Variants in SLC4A8 observed in about 807,000 individuals in gnomAD.
SLC4A8 encodes the protein electroneutral sodium bicarbonate exchanger 1.
Under a neutral mutation model 125.0 loss-of-function variants are expected in SLC4A8, and 40 were observed. That is an observed-to-expected ratio of 0.32 (90% CI 0.25 to 0.42). The LOEUF (loss-of-function observed/expected upper bound fraction) is 0.42. Among genes scored for constraint, SLC4A8 ranks in the 10% least tolerant of loss-of-function variants. The pLI, the probability that SLC4A8 is intolerant of heterozygous loss-of-function variation, is 1.00. For missense variants in SLC4A8, 863 were observed against 1,355.1 expected (o/e 0.64, Z 5.70); for synonymous variants, 456 against 476.0 (o/e 0.96, Z 0.55).
At chr12:51,459,660 A>G (rs1347363320) in intron 7 of SLC4A8, among the ~76,000 whole-genome samples, 2 of 152,194 alleles carry the variant, frequency 1.3e-5, no homozygotes, top group African/African-American at 4.8e-5. Context: ...ACATGAGGCC[A>G]GGAGTTTGAG....
chr12:51,453,996 G>A (rs553836013), intron 5 of SLC4A8, among the ~76,000 whole-genome samples: 5 of 152,130 alleles, frequency 3.3e-5, no homozygotes, highest in African/African-American at 7.2e-5. Flanking sequence ...TGCTAGGCAT[G>A]GGGTTATGAA....
intron 5 of SLC4A8, among the ~76,000 whole-genome samples, chr12:51,456,907 T>C (rs1276737685): frequency 6.6e-6 from 1 of 152,206 alleles, no homozygotes; most frequent in East Asian, 1.9e-4. Flanking sequence ...TAGTTCTTCT[T>C]GACAATTACA....
chr12:51,421,790 T>C (rs187738913), upstream of SLC4A8, among the ~76,000 whole-genome samples: 3 of 152,282 alleles, frequency 2.0e-5, no homozygotes, highest in Admixed American at 2.0e-4. Flanking sequence ...TATAGGCCAA[T>C]ACAACATAGT....
chr12:51,419,950 G>C (rs763124662), upstream of SLC4A8: 1 of 152,264 alleles, frequency 6.6e-6, no homozygotes, highest in Non-Finnish European at 1.5e-5. Flanking sequence ...GATGTGTAGT[G>C]TTCCATGCTG....
chr12:51,419,551 C>T (rs1948744977), intron 1 of SLC4A8, among the ~76,000 whole-genome samples: 1 of 152,174 alleles, frequency 6.6e-6, no homozygotes, highest in Non-Finnish European at 1.5e-5. Context: ...TGGTTAACAC[C>T]TGCTGCTTTC....
chr12:51,500,208 G>A (rs1373129352), intron 22 of SLC4A8, among the ~76,000 whole-genome samples: 2 of 152,160 alleles, frequency 1.3e-5, no homozygotes, highest in Non-Finnish European at 1.5e-5. Flanking sequence ...TGTTAAGTTC[G>A]AGGTGGCTGG....
chr12:51,442,937 G>T (rs1304635069), intron 2 of SLC4A8, among the ~76,000 whole-genome samples: 1 of 152,140 alleles, frequency 6.6e-6, no homozygotes, highest in East Asian at 1.9e-4. Context: ...GAAGCAAATT[G>T]TGTTCAGATT....
At chr12:51,413,794 T>G (rs1948635815) in intron 1 of SLC4A8, among the ~76,000 whole-genome samples, 1 of 152,152 alleles carries the variant, frequency 6.6e-6, no homozygotes, top group South Asian at 2.1e-4. Context: ...TGTTTTTATA[T>G]CGATACCATG....
intron 19 of SLC4A8, among the ~76,000 whole-genome samples, chr12:51,491,795 T>A (rs934269132): frequency 6.9e-6 from 1 of 145,300 alleles, no homozygotes; most frequent in Admixed American, 6.8e-5. Flanking sequence ...TTAACAGAAA[T>A]GATGCCTTTT....
At chr12:51,458,193 G>A (rs1205894848) in intron 6 of SLC4A8, among the ~76,000 whole-genome samples, 1 of 152,106 alleles carries the variant, frequency 6.6e-6, no homozygotes, top group Non-Finnish European at 1.5e-5. Flanking sequence ...TTATTTCCTG[G>A]TCTCTACTCA....
At chr12:51,432,898 A>G (rs865959121) in intron 1 of SLC4A8, among the ~76,000 whole-genome samples, 5 of 152,182 alleles carry the variant, frequency 3.3e-5, no homozygotes, top group African/African-American at 1.2e-4. Context: ...ACACTGAAAA[A>G]GATGAAAGGG....
At chr12:51,425,475 A>G (rs1203972407) in intron 1 of SLC4A8, 4 of 978,282 alleles carry the variant, frequency 4.1e-6, no homozygotes, top group Non-Finnish European at 4.9e-6. Context: ...TCAGTGGTTC[A>G]GAGGAAAAGC....
intron 2 of SLC4A8, among the ~76,000 whole-genome samples, chr12:51,449,220 T>C (rs1384364284): frequency 1.3e-5 from 2 of 152,084 alleles, no homozygotes; most frequent in Non-Finnish European, 2.9e-5. Context: ...GGAGAATCGC[T>C]TGAGCTCAGG....
chr12:51,470,295 C>A (rs533899503), intron 12 of SLC4A8, 97 bp from the exon 13 acceptor site: 2 of 1,124,530 alleles, frequency 1.8e-6, no homozygotes, highest in South Asian at 1.5e-5. Context: ...AAATGGCCAT[C>A]AAGGCACACA....
chr12:51,433,308 AAGTCAATTCACATTTACGT>A (rs1315807947), intron 1 of SLC4A8, among the ~76,000 whole-genome samples: 5 of 152,348 alleles, frequency 3.3e-5, no homozygotes, highest in Admixed American at 3.3e-4. Flanking sequence ...GTAGGCACTC[AAGTCAATTCACATTTACGT>A]AGTGGGTCAT....
chr12:51,395,682 G>A (rs1257836522), intron 1 of SLC4A8, among the ~76,000 whole-genome samples: 1 of 152,158 alleles, frequency 6.6e-6, no homozygotes, highest in Non-Finnish European at 1.5e-5. Flanking sequence ...TTGCCAAGGA[G>A]GTTAGTAGGG....
intron 1 of SLC4A8, among the ~76,000 whole-genome samples, chr12:51,433,871 T>G (rs1332940405): frequency 2.3e-4 from 30 of 132,700 alleles, no homozygotes; most frequent in East Asian, 4.7e-4. Flanking sequence ...TTTTTTTTTT[T>G]TTTTTTTGGT....
chr12:51,490,013 C>T, intron 19 of SLC4A8, 62 bp downstream of exon 19: 1 of 1,534,706 alleles, frequency 6.5e-7, no homozygotes, highest in South Asian at 1.2e-5. Context: ...GGAATCCTGC[C>T]AGGTGCTGGA....
intron 15 of SLC4A8, 68 bp downstream of exon 15, chr12:51,474,515 G>A (rs1195610247): frequency 6.4e-7 from 1 of 1,555,354 alleles, no homozygotes; most frequent in South Asian, 1.2e-5. Context: ...TCTAAGTGAA[G>A]GGGAGGAGTA....
Sources: gnomAD v4.1 joint callset for allele counts (sites outside exome capture counted in the v4.1 genomes callset) on GRCh38, gnomAD v4.1.1 for gene constraint, MANE v1.5 for transcripts, NCBI Gene and HGNC (gene_info 2026-07-23, HGNC 2026-07-21) for gene names.